Variants in FCRL5 observed in about 807,000 individuals in gnomAD.
FCRL5 encodes Fc receptor-like protein 5.
In FCRL5, 79 loss-of-function variants were observed where a neutral mutation model predicts 92.1. That is an observed-to-expected ratio of 0.86 (90% confidence interval 0.72 to 1.03). The LOEUF (loss-of-function observed/expected upper bound fraction) is 1.03. FCRL5 is among the 50% of genes least tolerant of loss of function. The pLI is 0.00. For missense variants in FCRL5, 1,160 were observed against 1,181.1 expected (o/e 0.98, Z 0.26); for synonymous variants, 466 against 469.3 (o/e 0.99, Z 0.09).
At chr1:157,549,035 C>G (rs1296054739) in intron 2 of FCRL5, among the ~76,000 whole-genome samples, 1 of 151,960 alleles carries the variant, frequency 6.6e-6, no homozygotes. Flanking sequence ...GGAACCAACC[C>G]AAATGTCCAA....
At chr1:157,521,587 A>G in intron 10 of FCRL5, 1 of 247,332 alleles carries the variant, frequency 4.0e-6, no homozygotes, top group South Asian at 1.1e-4. Flanking sequence ...ATACAATACT[A>G]TTCTTTTTTC....
chr1:157,541,802 T>C (rs1026688129), intron 6 of FCRL5: 1 of 152,280 alleles, frequency 6.6e-6, no homozygotes, highest in Admixed American at 6.5e-5. Flanking sequence ...TCTTTAGATG[T>C]CAGTACAGTC....
chr1:157,527,946 GCT>G lies in FCRL5; in HGVS notation c.1682-53_1682-52del, dbSNP rs1558131312. On this transcript the variant is annotated intron_variant, in intron 8 of 16. Transcript: ENST00000361835. ...ACATGTATTTTTAAAATTAGAAACAGCTCTTTGTCCTAGCCAGAACAATCAGA... is the reference window on the plus strand; with the variant it reads ...ACATGTATTTTTAAAATTAGAAACAGCTTTGTCCTAGCCAGAACAATCAGA... 3.3e-6 allele frequency: 5 copies of G among 1,494,654 alleles called. No homozygotes were observed. In the South Asian group the frequency reaches 5.7e-5, roughly 17 times the overall value. The allele number at this position is 1,494,654 out of a possible 1,614,324, so 92.6% of individuals were successfully genotyped here.
chr1:157,524,713 A>T (rs1039169667), intron 9 of FCRL5, among the ~76,000 whole-genome samples, 156 bp from the exon 10 acceptor site: 2 of 152,272 alleles, frequency 1.3e-5, no homozygotes, highest in African/African-American at 4.8e-5. Context: ...CAGAAAGAAC[A>T]ACATTTGTGT....
intron 8 of FCRL5, chr1:157,534,409 G>A (rs1650838706): frequency 9.7e-6 from 7 of 721,028 alleles, no homozygotes; most frequent in South Asian, 8.9e-5. Flanking sequence ...GGTAAAAGCT[G>A]GGGAATCTAC....
chr1:157,542,589 C>G, intron 6 of FCRL5: 1 of 437,866 alleles, frequency 2.3e-6, no homozygotes, highest in Non-Finnish European at 4.1e-6. Flanking sequence ...GTGGAAAGCA[C>G]AAGAAAAGCA....
intron 6 of FCRL5, among the ~76,000 whole-genome samples, chr1:157,541,278 A>G (rs1651247374): frequency 1.3e-5 from 2 of 152,008 alleles, no homozygotes; most frequent in Admixed American, 6.6e-5. Flanking sequence ...TCTCTTGATG[A>G]ACCCTCTCTT....
rs1158201145 is a variant in FCRL5, at chr1:157,519,758, G to T, written c.2645C>A (p.Ala882Asp). 2.5e-6 allele frequency: 4 copies of T among 1,614,032 alleles called. No homozygotes were observed. The highest frequency in any genetic ancestry group is 8.5e-7 in the Non-Finnish European group (1 of 1,179,974). Residue 882 changes from alanine to aspartate, a missense_variant, in exon 13 of 17, where the codon GCC becomes GAC. Ala to Asp is a moderately radical substitution (Grantham distance 126). Transcript: ENST00000361835. The stretch of plus-strand genomic sequence containing the variant: ...CAGCTCTTACCTGGCGGGGTCAGAG[G>T]CAGGCTTTCTCCCTGTAAAGGAAAG... ...WLSRKAGRKP[A>D]SDPARSPSDS... is the part of the protein sequence containing the mutation.
intron 4 of FCRL5, 64 bp from the exon 5 acceptor site, chr1:157,544,610 A>G (rs1195998986): frequency 1.9e-6 from 3 of 1,559,414 alleles, no homozygotes; most frequent in African/African-American, 1.4e-5. Context: ...AGAAAAGCAC[A>G]CTTCAAGCAG....
At chr1:157,544,185 G>A (rs1651409169) in intron 5 of FCRL5, 77 bp downstream of exon 5, 3 of 1,490,040 alleles carry the variant, frequency 2.0e-6, no homozygotes, top group Non-Finnish European at 2.8e-6. Flanking sequence ...AGAGACTGGT[G>A]ACCCACGCTG....
At chr1:157,540,910 G>A (rs2101634812) in intron 6 of FCRL5, among the ~76,000 whole-genome samples, 1 of 152,294 alleles carries the variant, frequency 6.6e-6, no homozygotes, top group South Asian at 2.1e-4. Context: ...ATTCATTGAG[G>A]TGGGTATTAT....
intron 1 of FCRL5, among the ~76,000 whole-genome samples, chr1:157,550,138 A>G (rs775544285): frequency 1.3e-5 from 2 of 152,134 alleles, no homozygotes; most frequent in Non-Finnish European, 2.9e-5. Context: ...AGAAGTGGAG[A>G]AATGACATTG....
At position 157,545,009 on chromosome 1, in the gene FCRL5, C is replaced by T. The variant is rs201912512; in HGVS notation, c.381G>A (p.Ala127=). The change falls in exon 4 of 17, where the codon GCG becomes GCA. Residue 127 remains alanine (A), a synonymous_variant. Transcript: ENST00000361835. ...DSVVLRCRAK[A]EVTLNNTIYK... is the part of the protein sequence containing the mutation. ...AAATAGTATTATTCAGTGTTACTTC[C>T]GCCTTTGCCCGGCACCTCAGAACCA... The T allele has an allele frequency of 3.5e-4, 566 of 1,613,696 alleles. 1 individual carries two copies. Among genetic ancestry groups the T allele is most frequent in the East Asian group, 9.6e-4 (43 of 44,884 alleles).
At chr1:157,539,419 C>T (rs1217911259) in intron 6 of FCRL5, 55 bp from the exon 7 acceptor site, 4 of 1,490,820 alleles carry the variant, frequency 2.7e-6, no homozygotes, top group Non-Finnish European at 3.6e-6. Context: ...CTGTAGTTTT[C>T]ATAAAAGGAA....
intron 10 of FCRL5, among the ~76,000 whole-genome samples, chr1:157,523,102 G>A (rs1571079053): frequency 6.6e-6 from 1 of 152,194 alleles, no homozygotes; most frequent in East Asian, 1.9e-4. Flanking sequence ...TGAGATGCTG[G>A]ATCATGGGTT....
At chr1:157,550,214 G>T (rs1442211894) in intron 1 of FCRL5, among the ~76,000 whole-genome samples, 1 of 152,112 alleles carries the variant, frequency 6.6e-6, no homozygotes, top group East Asian at 1.9e-4. Context: ...TGAGTAAGTG[G>T]TTCTAATTTT....
intron 10 of FCRL5, among the ~76,000 whole-genome samples, chr1:157,523,608 C>T (rs1650296591): frequency 6.6e-6 from 1 of 152,218 alleles, no homozygotes; most frequent in Non-Finnish European, 1.5e-5. Flanking sequence ...CAAAAAGATT[C>T]AGAGCTCACT....
At chr1:157,533,676 TC>T in intron 8 of FCRL5, 1 of 152,170 alleles carries the variant, frequency 6.6e-6, no homozygotes, top group South Asian at 2.1e-4. Context: ...AGGGTGACAG[TC>T]AAGAAACAGA....
Position 157,515,350 on chromosome 1 carries a change from C to T in FCRL5, c.*325G>A, listed in dbSNP as rs1649871837. On this transcript the variant is annotated 3_prime_UTR_variant, in exon 17 of 17. Coordinates refer to ENST00000361835, the MANE Select transcript of FCRL5 (RefSeq NM_031281.3). ...CTCTCCCTTTGTGTGGTAAGACCCC[C>T]TCTGTGGGGGTGTGATGAGAGCAGT... 11 of 346,500 alleles carry T rather than the reference C, an allele frequency of 3.2e-5. No individual in the cohort carries two copies. The highest frequency in any genetic ancestry group is 6.9e-5 in the South Asian group (2 of 28,942). The allele number at this position is 346,500 out of a possible 1,614,324, so 21.5% of individuals were successfully genotyped here.
Sources: allele counts gnomAD v4.1 joint callset (sites outside exome capture counted in the v4.1 genomes callset), GRCh38; gene constraint gnomAD v4.1.1; transcripts MANE v1.5; gene names NCBI Gene and HGNC (gene_info 2026-07-23, HGNC 2026-07-21).